ITPR2: variants seen among roughly 807,000 people sequenced by gnomAD.
ITPR2 encodes inositol 1,4,5-trisphosphate-gated calcium channel ITPR2.
In ITPR2, 207 loss-of-function variants were observed where a neutral mutation model predicts 317.1. That is an observed-to-expected ratio of 0.65 (90% confidence interval 0.58 to 0.73). The LOEUF (loss-of-function observed/expected upper bound fraction) is 0.73, where lower values mean the gene tolerates loss of function less well. Ranked by LOEUF, ITPR2 falls within the 30% of genes least tolerant of loss-of-function variation. The pLI, the probability that ITPR2 is intolerant of heterozygous loss-of-function variation, is 0.00. For missense variants in ITPR2, 2,613 were observed against 3,284.0 expected, an observed-to-expected ratio of 0.80 and a Z score of 4.99; for synonymous variants, 1,156 against 1,149.1, an observed-to-expected ratio of 1.01 and a Z score of -0.12.
chr12:26,782,031 TATGTATAGAGAG>T (rs1565760061), intron 2 of ITPR2, among the ~76,000 whole-genome samples: 17 of 20,908 alleles, frequency 8.1e-4, no homozygotes, highest in East Asian at 1.4e-3. Flanking sequence ...TATATATATA[TATGTATAGAGAG>T]AGAGAGAGAG....
chr12:26,423,892 C>G (rs1940968224), intron 49 of ITPR2, among the ~76,000 whole-genome samples: 1 of 152,128 alleles, frequency 6.6e-6, no homozygotes, highest in Non-Finnish European at 1.5e-5. Context: ...TCTAGACCAA[C>G]TCCTAGTTTT....
chr12:26,406,149 C>G (rs1940341589), intron 52 of ITPR2, among the ~76,000 whole-genome samples: 1 of 151,954 alleles, frequency 6.6e-6, no homozygotes, highest in African/African-American at 2.4e-5. Flanking sequence ...ACTGGGGACC[C>G]AGTGGGAAGC....
At chr12:26,621,434 T>A (rs1591970757) in intron 25 of ITPR2, 138 bp from the exon 26 acceptor site, 1 of 181,094 alleles carries the variant, frequency 5.5e-6, no homozygotes, top group Non-Finnish European at 9.0e-6. Flanking sequence ...CACATTATAA[T>A]TTTTTTAAGT....
chr12:26,707,315 A>C (rs1479038246), intron 9 of ITPR2, among the ~76,000 whole-genome samples: 1 of 152,150 alleles, frequency 6.6e-6, no homozygotes, highest in Non-Finnish European at 1.5e-5. Flanking sequence ...CATTCCCCAC[A>C]TCCCAATATG....
chr12:26,676,153 A>C (rs4499084), intron 13 of ITPR2, among the ~76,000 whole-genome samples: 27,437 of 145,616 alleles, frequency 0.19, 3,262 homozygotes, highest in Non-Finnish European at 0.27. Context: ...GCAAGACTCT[A>C]TCTCAAAAAA....
intron 21 of ITPR2, among the ~76,000 whole-genome samples, chr12:26,643,721 G>A (rs1019778899): frequency 6.6e-6 from 1 of 152,208 alleles, no homozygotes; most frequent in East Asian, 1.9e-4. Flanking sequence ...TTTATGGAAG[G>A]TAGAACTTGC....
chr12:26,596,050 T>C lies in ITPR2; in HGVS notation c.4255-460A>G, dbSNP rs531388471. ...GCTGCTACTGAGACTTTTTCTATCA[T>C]CAGAAACAAACTAGGACAGAGGGTA... On this transcript the variant is annotated intron_variant, in intron 31 of 56. Coordinates refer to ENST00000381340, the MANE Select transcript of ITPR2 (RefSeq NM_002223.4). Among the ~76,000 whole-genome samples the C allele has an allele frequency of 5.3e-5, 8 of 152,316 alleles. No homozygotes were observed. The South Asian group carries it at 1.7e-3, about 32-fold the overall frequency.
intron 37 of ITPR2, among the ~76,000 whole-genome samples, chr12:26,540,835 C>A (rs1234724736): frequency 6.6e-6 from 1 of 152,108 alleles, no homozygotes; most frequent in Non-Finnish European, 1.5e-5. Context: ...CTAAAAGCAA[C>A]TGTTGCTTTT....
In ITPR2 at chr12:26,341,499, T is replaced by A. The variant is rs115130646; in HGVS notation, c.7858-1171A>T. 9.3e-3 allele frequency among the ~76,000 whole-genome samples: 1,423 copies of A among 152,330 alleles called. 27 individuals carry two copies. Among genetic ancestry groups the A allele is most frequent in the African/African-American group, 0.032 (1,322 of 41,562 alleles). On this transcript the variant is annotated intron_variant, in intron 55 of 56. Coordinates refer to ENST00000381340, the MANE Select transcript of ITPR2 (RefSeq NM_002223.4). ...GCTCAATCTTACCTGGCCCTTGGGT[T>A]GGCTTTTTGTTGTTGTTGCATCAGA...
At position 26,443,243 on chromosome 12, in the gene ITPR2, T is replaced by A. The variant is rs920504302; in HGVS notation, c.6450+300A>T. Among the ~76,000 whole-genome samples the A allele has an allele frequency of 2.6e-5, 4 of 152,202 alleles. No homozygotes were observed. The East Asian group carries it at 7.7e-4, about 29-fold the overall frequency. On this transcript the variant is annotated intron_variant, in intron 46 of 56. Coordinates refer to ENST00000381340, the MANE Select transcript of ITPR2 (RefSeq NM_002223.4). ...TCCTGAATGATGGCTTCTATTATAA[T>A]AATCCCATCTCTCAAACGCTATTGC...
intron 2 of ITPR2, among the ~76,000 whole-genome samples, chr12:26,775,842 G>A (rs551327835): frequency 6.6e-6 from 1 of 150,582 alleles, no homozygotes; most frequent in African/African-American, 2.4e-5. Context: ...TATGGGACTC[G>A]GACTGGCTTC....
chr12:26,346,811 C>A (rs926907166), intron 55 of ITPR2, among the ~76,000 whole-genome samples: 1 of 152,138 alleles, frequency 6.6e-6, no homozygotes, highest in African/African-American at 2.4e-5. Context: ...AAGCCTTATT[C>A]TCTGAGTCCC....
intron 32 of ITPR2, among the ~76,000 whole-genome samples, chr12:26,593,213 AG>A (rs1945751919): frequency 1.3e-5 from 2 of 152,342 alleles, no homozygotes; most frequent in South Asian, 4.1e-4. Flanking sequence ...AGCACCACTT[AG>A]GAATTTGTTA....
At chr12:26,343,015 T>C (rs1938187777) in intron 55 of ITPR2, among the ~76,000 whole-genome samples, 2 of 152,248 alleles carry the variant, frequency 1.3e-5, no homozygotes, top group East Asian at 1.9e-4. Flanking sequence ...TTTTTGCACA[T>C]GCCCACTTCC....
At chr12:26,675,376 G>A (rs1947884320) in intron 13 of ITPR2, among the ~76,000 whole-genome samples, 1 of 152,144 alleles carries the variant, frequency 6.6e-6, no homozygotes, top group African/African-American at 2.4e-5. Flanking sequence ...CATAAAAAAT[G>A]ATGAGTTCAT....
Position 26,715,735 on chromosome 12 carries a change from G to A in ITPR2, c.708+17C>T, listed in dbSNP as rs1948729302. On this transcript the variant is annotated intron_variant, in intron 7 of 56. Transcript: ENST00000381340. ...CATCATTTCTCCCAGCAAATGTCCT[G>A]TGTAGCACATACTTACTCCTTTTAA... 1.4e-6 allele frequency: 2 copies of A among 1,462,440 alleles called. No homozygotes were observed. Among genetic ancestry groups the A allele is most frequent in the Admixed American group, 1.7e-5 (1 of 59,324 alleles). 90.6% of individuals were successfully genotyped at this position (1,462,440 alleles called of 1,614,324 possible).
At chr12:26,818,616 T>C (rs1277477717) in intron 1 of ITPR2, among the ~76,000 whole-genome samples, 1 of 152,228 alleles carries the variant, frequency 6.6e-6, no homozygotes, top group Non-Finnish European at 1.5e-5. Flanking sequence ...TCACTGACAG[T>C]GAATCTTGAT....
intron 30 of ITPR2, among the ~76,000 whole-genome samples, chr12:26,598,476 G>A (rs568540333): frequency 4.6e-5 from 7 of 152,204 alleles, no homozygotes; most frequent in Admixed American, 2.6e-4. Flanking sequence ...GTCACAGAGC[G>A]GTGATTTAAT....
chr12:26,830,530 C>CT, intron 1 of ITPR2, among the ~76,000 whole-genome samples: 1 of 152,358 alleles, frequency 6.6e-6, no homozygotes, highest in South Asian at 2.1e-4. Context: ...TTAATGCCCT[C>CT]TGTTTCCTGG....
Sources: allele counts gnomAD v4.1 joint callset (sites outside exome capture counted in the v4.1 genomes callset), GRCh38; gene constraint gnomAD v4.1.1; transcripts MANE v1.5; gene names NCBI Gene and HGNC (gene_info 2026-07-23, HGNC 2026-07-21).